PTPN4: variants seen among roughly 807,000 people sequenced by gnomAD.
PTPN4 encodes tyrosine-protein phosphatase non-receptor type 4.
In PTPN4, 49 loss-of-function variants were observed where a neutral mutation model predicts 135.5. The ratio of observed to expected loss-of-function variants is 0.36; its 90% CI spans 0.29 to 0.46. PTPN4 has a LOEUF of 0.46. Ranked by LOEUF, PTPN4 falls within the 20% of genes least tolerant of loss-of-function variation. PTPN4 has a pLI of 1.00. For missense variants in PTPN4, 860 were observed against 1,101.0 expected (o/e 0.78, Z 3.10); for synonymous variants, 333 against 369.9 (o/e 0.90, Z 1.14).
intron 1 of PTPN4, among the ~76,000 whole-genome samples, chr2:119,785,727 GTTTGC>G (rs145945253): frequency 0.017 from 2,619 of 152,130 alleles, 65 homozygotes; most frequent in African/African-American, 0.059. Flanking sequence ...ATTTTGCCGT[GTTTGC>G]TTTGTGTGTG....
At chr2:119,877,814 TA>T (rs1484906721) in intron 5 of PTPN4, among the ~76,000 whole-genome samples, 1 of 152,154 alleles carries the variant, frequency 6.6e-6, no homozygotes, top group Non-Finnish European at 1.5e-5. Context: ...GAACACTGCT[TA>T]AGTGTGGCTA....
At chr2:119,918,588 A>C (rs568420026) in intron 11 of PTPN4, among the ~76,000 whole-genome samples, 41 of 152,332 alleles carry the variant, frequency 2.7e-4, no homozygotes, top group African/African-American at 9.4e-4. Context: ...TACACAACAG[A>C]ATAGTAAGGG....
chr2:119,946,873 G>C (rs745670358), intron 18 of PTPN4, among the ~76,000 whole-genome samples: 1 of 152,032 alleles, frequency 6.6e-6, no homozygotes, highest in Admixed American at 6.6e-5. Context: ...GTATAGTTTC[G>C]TGGGGGTTTT....
At chr2:119,797,793 A>G (rs763177108) in intron 1 of PTPN4, among the ~76,000 whole-genome samples, 39 of 152,222 alleles carry the variant, frequency 2.6e-4, no homozygotes, top group Non-Finnish European at 2.6e-4. Flanking sequence ...AATAGATTAT[A>G]TTAACGTTAA....
intron 16 of PTPN4, among the ~76,000 whole-genome samples, chr2:119,946,003 A>C (rs1679127726): frequency 6.6e-6 from 1 of 152,152 alleles, no homozygotes; most frequent in African/African-American, 2.4e-5. Context: ...TGTAACACTT[A>C]TGAGCACCCT....
At chr2:119,946,109 A>G (rs762411761) in intron 16 of PTPN4, among the ~76,000 whole-genome samples, 4 of 152,178 alleles carry the variant, frequency 2.6e-5, no homozygotes, top group Non-Finnish European at 5.9e-5. Flanking sequence ...TCCTCCTGTC[A>G]CTTAATAGTC....
At position 119,934,899 on chromosome 2, in the gene PTPN4, T is replaced by C. The variant is rs916076984; in HGVS notation, c.1296T>C (p.Phe432=). 6.2e-7 allele frequency: 1 copy of C among 1,613,916 alleles called. No individual in the cohort carries two copies. Among genetic ancestry groups the C allele is most frequent in the Non-Finnish European group, 8.5e-7 (1 of 1,179,770 alleles). ...HMVHTSPSEV[F]VNQRSPSSTQ... ...TTCATACTTCCCCAAGCGAAGTGTT[T>C]GTAAATCAGAGATCTCCGTCATCAA... Residue 432 remains phenylalanine (F), a synonymous_variant, in exon 15 of 27, where the codon TTT becomes TTC. Transcript: ENST00000263708.
At chr2:119,943,356 G>C (rs1209121406) in intron 15 of PTPN4, among the ~76,000 whole-genome samples, 2 of 152,100 alleles carry the variant, frequency 1.3e-5, no homozygotes, top group Non-Finnish European at 2.9e-5. Context: ...CTCTGTATCA[G>C]TTATCTTGTT....
intron 2 of PTPN4, among the ~76,000 whole-genome samples, chr2:119,840,764 A>C (rs1034224042): frequency 6.6e-6 from 1 of 151,996 alleles, no homozygotes; most frequent in African/African-American, 2.4e-5. Context: ...TTGTTTTTTG[A>C]CTTTTTAATA....
chr2:119,975,669 A>C (rs1189445909), intron 26 of PTPN4, among the ~76,000 whole-genome samples: 1 of 152,094 alleles, frequency 6.6e-6, no homozygotes, highest in East Asian at 1.9e-4. Flanking sequence ...AGGTTGCAGT[A>C]AGTCAAGATT....
At position 119,877,335 on chromosome 2, in the gene PTPN4, C is replaced by A; in HGVS notation, c.259C>A (p.Pro87Thr). ...ATTTATTTTTCAGAGGTGGCTGGAT[C>A]CAAACAAACCAATAAGGAAGCAGCT... Reference protein sequence around the residue: ...DSTDNPRWLDPNKPIRKQLKR... With the variant: ...DSTDNPRWLDTNKPIRKQLKR... Residue 87 changes from proline to threonine, a missense_variant, in exon 4 of 27, where the codon CCA (proline) becomes ACA (threonine). By Grantham distance (38) the Pro-to-Thr change is conservative. Coordinates refer to ENST00000263708, the MANE Select transcript of PTPN4 (RefSeq NM_002830.4). 6.2e-7 allele frequency: 1 copy of A among 1,610,962 alleles called. No individual in the cohort carries two copies. Among genetic ancestry groups the A allele is most frequent in the Non-Finnish European group, 8.5e-7 (1 of 1,179,120 alleles).
At chr2:119,811,244 ATCTT>A (rs1280236188) in intron 2 of PTPN4, among the ~76,000 whole-genome samples, 2 of 152,126 alleles carry the variant, frequency 1.3e-5, no homozygotes, top group African/African-American at 4.8e-5. Context: ...CAAAAAATGA[ATCTT>A]TCTTATTTAC....
At chr2:119,923,603 G>T (rs1678768777) in intron 12 of PTPN4, among the ~76,000 whole-genome samples, 1 of 151,934 alleles carries the variant, frequency 6.6e-6, no homozygotes, top group Non-Finnish European at 1.5e-5. Context: ...TTATTAAGTA[G>T]TAAAATTCAG....
chr2:119,935,253 A>T (rs1342327488), intron 15 of PTPN4: 1 of 288,824 alleles, frequency 3.5e-6, no homozygotes, highest in Admixed American at 5.0e-5. Flanking sequence ...AGGGTAGTTA[A>T]AGCAGAGTTT....
intron 22 of PTPN4, among the ~76,000 whole-genome samples, chr2:119,959,409 A>T (rs1558775442): frequency 6.6e-6 from 1 of 152,262 alleles, no homozygotes; most frequent in Non-Finnish European, 1.5e-5. Context: ...GTAATACTAC[A>T]TGTAGGTCCA....
chr2:119,844,633 G>A (rs1184365437), intron 2 of PTPN4, among the ~76,000 whole-genome samples: 6 of 151,038 alleles, frequency 4.0e-5, no homozygotes, highest in Admixed American at 1.3e-4. Flanking sequence ...GGGCAGAGGC[G>A]CTCCCCACAT....
chr2:119,911,524 C>CA lies in PTPN4; in HGVS notation c.765-3649dup, dbSNP rs549390834. On this transcript the variant is annotated intron_variant, in intron 10 of 26. Coordinates refer to ENST00000263708, the MANE Select transcript of PTPN4 (RefSeq NM_002830.4). ...TTTCTATTTTGATTAAGGGCATCTA[C>CA]AAAAAATCTGCTAATATTATACAAA... 3.8e-3 allele frequency among the ~76,000 whole-genome samples: 580 copies of CA among 152,136 alleles called. 1 individual carries two copies. Among genetic ancestry groups the CA allele is most frequent in the Non-Finnish European group, 6.6e-3 (451 of 67,972 alleles).
chr2:119,839,371 C>T (rs1677346209), intron 2 of PTPN4, among the ~76,000 whole-genome samples: 1 of 152,122 alleles, frequency 6.6e-6, no homozygotes, highest in East Asian at 1.9e-4. Context: ...GCTAATAATG[C>T]ATGTATAGTA....
chr2:119,927,273 C>A (rs1242556468), intron 13 of PTPN4, among the ~76,000 whole-genome samples: 4 of 151,944 alleles, frequency 2.6e-5, no homozygotes, highest in Non-Finnish European at 5.9e-5. Flanking sequence ...CCACACCTGG[C>A]TAATATTTTT....
Sources: gnomAD v4.1 joint callset for allele counts (sites outside exome capture counted in the v4.1 genomes callset) on GRCh38, gnomAD v4.1.1 for gene constraint, MANE v1.5 for transcripts, NCBI Gene and HGNC (gene_info 2026-07-23, HGNC 2026-07-21) for gene names.